DCDC1: variants seen among roughly 807,000 people sequenced by gnomAD.
The protein encoded by DCDC1 is doublecortin domain containing 1, also known as doublecortin domain-containing protein 1.
A neutral mutation model predicts 178.3 loss-of-function variants in DCDC1; 200 were observed. The observed-to-expected ratio is 1.12, with a 90% CI of 1.00 to 1.26. The LOEUF is 1.26. Ranked by LOEUF, DCDC1 falls within the 50% of genes most tolerant of loss-of-function variation. DCDC1 has a pLI of 0.00. For synonymous variants in DCDC1, 690 were observed against 604.8 expected (o/e 1.14, Z -2.07); for missense variants, 1,983 against 1,749.2 (o/e 1.13, Z -2.38).
intron 9 of DCDC1, among the ~76,000 whole-genome samples, chr11:31,228,877 G>T (rs912719672): frequency 1.3e-5 from 2 of 151,898 alleles, no homozygotes; most frequent in African/African-American, 4.8e-5. Flanking sequence ...TGAACATAAA[G>T]ATAGGAACAT....
intron 7 of DCDC1, 40 bp from the exon 8 acceptor site, chr11:31,265,640 G>C (rs777512829): frequency 1.5e-5 from 16 of 1,043,520 alleles, no homozygotes; most frequent in Non-Finnish European, 2.1e-5. Context: ...TTAGTAAACT[G>C]GTTAAATTGA....
intron 38 of DCDC1, among the ~76,000 whole-genome samples, chr11:30,877,150 C>T (rs1396792117): frequency 6.6e-6 from 1 of 152,234 alleles, no homozygotes; most frequent in East Asian, 1.9e-4. Context: ...ATTCATGCAG[C>T]CCTACTGATT....
chr11:30,878,713 TGTTAAAAAAAAAAAAAAAAGAA>T lies in DCDC1; in HGVS notation c.5234-24_5234-3del. On this transcript the variant is annotated splice_region_variant and splice_polypyrimidine_tract_variant and intron_variant, in intron 37 of 38. Coordinates refer to ENST00000684477, the MANE Select transcript of DCDC1 (RefSeq NM_001387274.1). ...TGATCTCCATCAGTTGTTTTAACTC[TGTTAAAAAAAAAAAAAAAAGAA>T]GTTGAGAGACAAGTCAATGTTATAG... 1 of 1,507,592 alleles carries T rather than the reference TGTTAAAAAAAAAAAAAAAAGAA, an allele frequency of 6.6e-7. No homozygotes were observed. The highest frequency in any genetic ancestry group is 1.3e-5 in the South Asian group (1 of 79,668). The allele number at this position is 1,507,592 out of a possible 1,614,324, so 93.4% of individuals were successfully genotyped here.
chr11:31,266,493 C>A (rs528829982), intron 7 of DCDC1, among the ~76,000 whole-genome samples: 1 of 152,286 alleles, frequency 6.6e-6, no homozygotes, highest in East Asian at 1.9e-4. Flanking sequence ...ATGAAATTCA[C>A]CATATTCATC....
At chr11:31,329,565 A>T (rs1949851934) in intron 2 of DCDC1, among the ~76,000 whole-genome samples, 1 of 151,892 alleles carries the variant, frequency 6.6e-6, no homozygotes, top group Non-Finnish European at 1.5e-5. Context: ...CCACCCCACA[A>T]CAGGCTCTGG....
chr11:31,310,747 T>C (rs1565593188), intron 3 of DCDC1, among the ~76,000 whole-genome samples: 1 of 152,210 alleles, frequency 6.6e-6, no homozygotes, highest in Non-Finnish European at 1.5e-5. Flanking sequence ...ACCCACATAG[T>C]CAGTTTGCTA....
intron 20 of DCDC1, among the ~76,000 whole-genome samples, chr11:31,052,100 A>C (rs1382886388): frequency 6.6e-6 from 1 of 152,196 alleles, no homozygotes; most frequent in Non-Finnish European, 1.5e-5. Context: ...TGCTGCCTTC[A>C]AGAGACTCAT....
intron 3 of DCDC1, among the ~76,000 whole-genome samples, chr11:31,310,158 T>A (rs965164242): frequency 3.3e-5 from 5 of 152,096 alleles, no homozygotes; most frequent in Non-Finnish European, 7.4e-5. Context: ...TTTGTTTATT[T>A]ATTACTTGGT....
At chr11:31,045,558 G>A (rs971380485) in intron 20 of DCDC1, among the ~76,000 whole-genome samples, 2 of 151,996 alleles carry the variant, frequency 1.3e-5, no homozygotes. Flanking sequence ...TTGTAGCTAC[G>A]TTGTAACTTG....
At chr11:30,948,203 A>T (rs56000492) in intron 21 of DCDC1, among the ~76,000 whole-genome samples, 6,838 of 152,178 alleles carry the variant, frequency 0.045, 502 homozygotes, top group African/African-American at 0.15. Context: ...ATTCCTATAC[A>T]CCAATAATAG....
At chr11:31,312,956 G>A (rs1003637373) in intron 3 of DCDC1, 2 of 151,972 alleles carry the variant, frequency 1.3e-5, no homozygotes, top group Admixed American at 6.6e-5. Flanking sequence ...GGGAGTTCAA[G>A]ATCAGCCTGG....
At position 31,137,769 on chromosome 11, in the gene DCDC1, T is replaced by C. The variant is rs546268350; in HGVS notation, c.1237A>G (p.Asn413Asp). ...KYYKQLNLVM[N>D]EQKEKITEKV... is the part of the protein sequence containing the mutation. ...TCTGTAATTTTCTCCTTCTGTTCAT[T>C]CATGACCAGGTTCAACTAGAAAAAA... is the stretch of plus-strand genomic sequence containing the variant. The change falls in exon 10 of 39, where the codon AAT becomes GAT. Residue 413 changes from asparagine (N) to aspartate (D), a missense_variant. By Grantham distance (23) the Asn-to-Asp change is conservative (BLOSUM62 1). Transcript: ENST00000684477. 1.4e-6 allele frequency: 1 copy of C among 702,688 alleles called. No individual in the cohort carries two copies. The highest frequency in any genetic ancestry group is 1.7e-5 in the African/African-American group (1 of 57,370). The allele number at this position is 702,688 out of a possible 1,614,324, so 43.5% of individuals were successfully genotyped here.
intron 20 of DCDC1, among the ~76,000 whole-genome samples, chr11:31,042,294 A>C (rs1954512126): frequency 6.6e-6 from 1 of 152,194 alleles, no homozygotes; most frequent in South Asian, 2.1e-4. Context: ...ATGTAACGGA[A>C]CACACAGAAT....
At chr11:31,150,448 A>G (rs1965042664) in intron 9 of DCDC1, among the ~76,000 whole-genome samples, 1 of 152,216 alleles carries the variant, frequency 6.6e-6, no homozygotes, top group South Asian at 2.1e-4. Context: ...ATGGATCAGT[A>G]TATATAAAAA....
chr11:31,017,808 G>C (rs1277006392), intron 20 of DCDC1, among the ~76,000 whole-genome samples: 4 of 152,122 alleles, frequency 2.6e-5, no homozygotes, highest in Non-Finnish European at 5.9e-5. Context: ...GCCCAGGCTG[G>C]TATTGAACTT....
chr11:31,334,156 C>G (rs1284350603), intron 2 of DCDC1, among the ~76,000 whole-genome samples: 2 of 152,196 alleles, frequency 1.3e-5, no homozygotes, highest in Non-Finnish European at 2.9e-5. Context: ...ACTCTTTCTT[C>G]TACTTGATCA....
chr11:30,883,375 A>G (rs1942863449), intron 36 of DCDC1: 1 of 313,254 alleles, frequency 3.2e-6, no homozygotes, highest in Non-Finnish European at 6.5e-6. Flanking sequence ...TTATAATGTC[A>G]AGACATCAGA....
intron 7 of DCDC1, among the ~76,000 whole-genome samples, chr11:31,285,165 T>C (rs910124405): frequency 3.3e-5 from 5 of 152,004 alleles, no homozygotes; most frequent in African/African-American, 1.2e-4. Context: ...AAATTCACAT[T>C]AAATAATGAA....
Position 30,906,682 on chromosome 11 carries a change from A to G in DCDC1, c.3962T>C (p.Leu1321Pro). The G allele has an allele frequency of 6.2e-7, 1 of 1,613,662 alleles. No individual in the cohort carries two copies. Among genetic ancestry groups the G allele is most frequent in the Non-Finnish European group, 8.5e-7 (1 of 1,179,700 alleles). ...LSPDGKRKTM[L>P]CLACGQSMRT... Reference sequence around the variant, plus strand: ...CATGGATTGTCCACAAGCCAAGCAGAGCATAGTTTTTCTCTTTCCATCAGG... The same window carrying G: ...CATGGATTGTCCACAAGCCAAGCAGGGCATAGTTTTTCTCTTTCCATCAGG... Residue 1321 changes from leucine to proline, a missense_variant, in exon 30 of 39, where the codon CTC (leucine) becomes CCC (proline). Physicochemically the swap from Leu to Pro is moderately conservative, Grantham distance 98. Transcript: ENST00000684477.
Sources: gnomAD v4.1 joint callset for allele counts (sites outside exome capture counted in the v4.1 genomes callset) on GRCh38, gnomAD v4.1.1 for gene constraint, MANE v1.5 for transcripts, NCBI Gene and HGNC (gene_info 2026-07-23, HGNC 2026-07-21) for gene names.